Variants in PADI4 observed in about 807,000 individuals in gnomAD.
The protein encoded by PADI4 is peptidyl arginine deiminase 4.
Under a neutral mutation model 75.0 loss-of-function variants are expected in PADI4, and 62 were observed. That is an observed-to-expected ratio of 0.83 (90% confidence interval 0.67 to 1.02). The LOEUF (loss-of-function observed/expected upper bound fraction) is 1.02, where lower values mean the gene tolerates loss of function less well. Among genes scored for constraint, PADI4 ranks in the 50% least tolerant of loss-of-function variants. The pLI is 0.00. For missense variants in PADI4, 845 were observed against 850.5 expected, an observed-to-expected ratio of 0.99 and a Z score of 0.08; for synonymous variants, 361 against 348.1, an observed-to-expected ratio of 1.04 and a Z score of -0.41.
intron 6 of PADI4, among the ~76,000 whole-genome samples, chr1:17,340,071 C>A (rs1047582047): frequency 2.0e-5 from 3 of 151,214 alleles, no homozygotes; most frequent in Non-Finnish European, 4.4e-5. Flanking sequence ...CACACACACA[C>A]ACACACACCT....
intron 15 of PADI4, among the ~76,000 whole-genome samples, chr1:17,362,475 A>G (rs1372113585): frequency 9.2e-5 from 14 of 152,184 alleles, no homozygotes; most frequent in Non-Finnish European, 1.9e-4. Context: ...GTATAGGTAG[A>G]AGCTAAACAG....
rs182357399 is a variant in PADI4 at position 17,345,420 on chromosome 1, T to C, written c.936-608T>C. On this transcript the variant is annotated intron_variant, in intron 8 of 15. Coordinates refer to ENST00000375448, the MANE Select transcript of PADI4 (RefSeq NM_012387.3). ...TTGGGGGACTGTTGGGAAGGCATGA[T>C]TGGTTTTGAAATGTGAGGATATAGG... 4.0e-3 allele frequency among the ~76,000 whole-genome samples: 603 copies of C among 152,238 alleles called. 7 individuals carry two copies. Among genetic ancestry groups the C allele is most frequent in the African/African-American group, 0.014 (567 of 41,568 alleles).
At chr1:17,314,061 T>C (rs534237095) in intron 1 of PADI4, among the ~76,000 whole-genome samples, 34 of 152,240 alleles carry the variant, frequency 2.2e-4, no homozygotes, top group Middle Eastern at 3.4e-3. Context: ...AGAGAGTGGC[T>C]ATAAAGGTGC....
At chr1:17,342,527 T>C (rs2074441987) in intron 8 of PADI4, 125 bp downstream of exon 8, 3 of 640,004 alleles carry the variant, frequency 4.7e-6, no homozygotes, top group Middle Eastern at 3.1e-4. Context: ...TTGCTGCTTG[T>C]TGGGGGCTCT....
intron 1 of PADI4, among the ~76,000 whole-genome samples, chr1:17,308,652 C>T (rs2073720040): frequency 6.6e-6 from 1 of 152,142 alleles, no homozygotes; most frequent in African/African-American, 2.4e-5. Context: ...AGCACGTGTG[C>T]CCTGGAAGTA....
chr1:17,313,672 A>G (rs2073883534), intron 1 of PADI4, among the ~76,000 whole-genome samples: 1 of 152,044 alleles, frequency 6.6e-6, no homozygotes. Flanking sequence ...GGACTGCATG[A>G]GCCTCTGTGT....
chr1:17,363,225 C>T (rs2100267033), intron 15 of PADI4, among the ~76,000 whole-genome samples: 1 of 152,156 alleles, frequency 6.6e-6, no homozygotes, highest in East Asian at 1.9e-4. Flanking sequence ...CTCAAGTGAT[C>T]CTCCTCCCTC....
intron 1 of PADI4, among the ~76,000 whole-genome samples, chr1:17,329,278 A>G (rs2074167364): frequency 6.7e-6 from 1 of 150,358 alleles, no homozygotes; most frequent in East Asian, 2.0e-4. Flanking sequence ...GTGAGCCAAG[A>G]TCACGCCACT....
At chr1:17,362,581 C>T (rs962546751) in intron 15 of PADI4, among the ~76,000 whole-genome samples, 3 of 152,162 alleles carry the variant, frequency 2.0e-5, no homozygotes, top group Non-Finnish European at 2.9e-5. Context: ...AATTACCTAT[C>T]GGGTACGATG....
chr1:17,313,498 C>CTAA (rs2073876699), intron 1 of PADI4, among the ~76,000 whole-genome samples: 1 of 68,400 alleles, frequency 1.5e-5, no homozygotes, highest in Non-Finnish European at 2.5e-5. Flanking sequence ...AAGACCTTGT[C>CTAA]AAAAAAAAAA....
At chr1:17,326,733 G>A (rs541444967) in intron 1 of PADI4, among the ~76,000 whole-genome samples, 5 of 152,030 alleles carry the variant, frequency 3.3e-5, no homozygotes, top group African/African-American at 9.7e-5. Flanking sequence ...TATATATATC[G>A]ACTAAATCAA....
intron 14 of PADI4, 122 bp downstream of exon 14, chr1:17,359,030 A>ACAGAAGCAAGGG: frequency 1.4e-6 from 1 of 731,274 alleles, no homozygotes; most frequent in Non-Finnish European, 2.3e-6. Flanking sequence ...AGACAGAGAC[A>ACAGAAGCAAGGG]CAGAAGCAAG....
intron 1 of PADI4, among the ~76,000 whole-genome samples, chr1:17,328,303 C>T (rs2074148432): frequency 1.3e-5 from 2 of 151,760 alleles, no homozygotes; most frequent in African/African-American, 2.4e-5. Context: ...GGATTATAGG[C>T]ATGAGCCACC....
At chr1:17,357,218 AG>A (rs1320826227) in intron 13 of PADI4, among the ~76,000 whole-genome samples, 1 of 152,150 alleles carries the variant, frequency 6.6e-6, no homozygotes, top group Admixed American at 6.5e-5. Flanking sequence ...CCCAGGCTGG[AG>A]TGCAATGGCG....
At chr1:17,353,668 G>T (rs951676339) in intron 10 of PADI4, among the ~76,000 whole-genome samples, 1 of 152,128 alleles carries the variant, frequency 6.6e-6, no homozygotes, top group African/African-American at 2.4e-5. Context: ...TATGGTAAAA[G>T]GGACTTTGCT....
At chr1:17,327,979 A>C (rs1008497152) in intron 1 of PADI4, among the ~76,000 whole-genome samples, 1 of 152,068 alleles carries the variant, frequency 6.6e-6, no homozygotes, top group Non-Finnish European at 1.5e-5. Context: ...GTAGAAATTT[A>C]TAAATGCTAT....
In PADI4 at chr1:17,346,530, T is replaced by C. The variant is rs532221913; in HGVS notation, c.1047+391T>C. ...GCTCCAGCACTTTCCATGGCTCCCA[T>C]CTCCTCCTGCTTAGTCTGTTTCCAG... On this transcript the variant is annotated intron_variant, in intron 9 of 15. Coordinates refer to ENST00000375448, the MANE Select transcript of PADI4 (RefSeq NM_012387.3). This position sits in a 1 kb window ranked among gnomAD's most constrained non-coding sequence, Gnocchi z 4.3. Among the ~76,000 whole-genome samples, 2 of 152,234 alleles carry C rather than the reference T, an allele frequency of 1.3e-5. No homozygotes were observed. The highest frequency in any genetic ancestry group is 4.8e-5 in the African/African-American group (2 of 41,540).
At chr1:17,313,660 G>A (rs992305177) in intron 1 of PADI4, among the ~76,000 whole-genome samples, 6 of 152,058 alleles carry the variant, frequency 3.9e-5, no homozygotes, top group African/African-American at 9.7e-5. Context: ...TGACAGCAGC[G>A]AGGACTGCAT....
chr1:17,314,142 C>T (rs914971587), intron 1 of PADI4, among the ~76,000 whole-genome samples: 8 of 152,144 alleles, frequency 5.3e-5, no homozygotes, highest in Non-Finnish European at 1.0e-4. Context: ...GGGGCTGAGG[C>T]GGACCTAGCC....
Sources: allele counts gnomAD v4.1 joint callset (sites outside exome capture counted in the v4.1 genomes callset), GRCh38; gene constraint gnomAD v4.1.1; non-coding constraint Gnocchi (gnomAD v3.1); transcripts MANE v1.5; gene names NCBI Gene and HGNC (gene_info 2026-07-23, HGNC 2026-07-21).